MGAT5: variants seen among roughly 807,000 people sequenced by gnomAD.
MGAT5 encodes the protein alpha-1,6-mannosylglycoprotein 6-beta-N-acetylglucosaminyltransferase A.
A neutral mutation model predicts 94.3 loss-of-function variants in MGAT5; 30 were observed. The observed-to-expected ratio is 0.32, with a 90% CI of 0.24 to 0.43. MGAT5 has a LOEUF of 0.43. MGAT5 is among the 20% of genes least tolerant of loss of function. The probability of loss-of-function intolerance (pLI) is 1.00; values close to 1 mark genes in which losing one functional copy is unlikely to be tolerated. For synonymous variants in MGAT5, 310 were observed against 322.9 expected, an observed-to-expected ratio of 0.96 and a Z score of 0.43; for missense variants, 691 against 905.5, an observed-to-expected ratio of 0.76 and a Z score of 3.04.
In MGAT5 at chr2:134,362,411, G is replaced by A. The variant is rs756206183; in HGVS notation, c.1380+3G>A. ...GCAAAGTGGATAGCTTCTGGAAGGT[G>A]AGTCAGTCTGTGCGTGTCTCTCTCT... On this transcript the variant is annotated splice_donor_region_variant and intron_variant, in intron 10 of 15. Coordinates refer to ENST00000281923, the MANE Select transcript of MGAT5 (RefSeq NM_002410.5). 7 of 1,613,880 alleles carry A rather than the reference G, an allele frequency of 4.3e-6. No homozygotes were observed. Among genetic ancestry groups the A allele is most frequent in the Non-Finnish European group, 5.9e-6 (7 of 1,179,870 alleles).
intron 2 of MGAT5, among the ~76,000 whole-genome samples, chr2:134,288,729 G>A (rs1214493682): frequency 6.6e-6 from 1 of 152,108 alleles, no homozygotes; most frequent in Non-Finnish European, 1.5e-5. Flanking sequence ...TAATACCTCT[G>A]TCAGCCTATC....
intron 9 of MGAT5, among the ~76,000 whole-genome samples, chr2:134,351,342 T>A (rs1679368561): frequency 6.6e-6 from 1 of 152,164 alleles, no homozygotes; most frequent in South Asian, 2.1e-4. Context: ...TGGCACAGAA[T>A]AGCCTAAGAA....
intron 1 of MGAT5, among the ~76,000 whole-genome samples, chr2:134,237,121 A>ATGTGTGTGTG (rs1283215466): frequency 4.9e-5 from 6 of 122,708 alleles, no homozygotes; most frequent in African/African-American, 1.5e-4. Flanking sequence ...TAGAAGGAGT[A>ATGTGTGTGTG]TATGTGTGTG....
At chr2:134,353,903 A>G (rs1480072930) in intron 9 of MGAT5, among the ~76,000 whole-genome samples, 1 of 152,160 alleles carries the variant, frequency 6.6e-6, no homozygotes, top group Non-Finnish European at 1.5e-5. Flanking sequence ...AAAAAAAAAA[A>G]ATAGTTCCTA....
At position 134,182,788 on chromosome 2, in the gene MGAT5, T is replaced by TG. The variant is rs1173381912; in HGVS notation, c.-143+62497_-143+62498insG. Reference sequence around the variant, plus strand: ...TGCATGTTAGAAGATTAGTTTTTTTTTTTTTTTTTTTTTTTTGAGACAGAG... The same window carrying TG: ...TGCATGTTAGAAGATTAGTTTTTTTTGTTTTTTTTTTTTTTTTGAGACAGAG... On this transcript the variant is annotated intron_variant, in intron 1 of 16. Coordinates refer to the MGAT5 transcript ENST00000409645. Among the ~76,000 whole-genome samples, 434 of 142,476 alleles carry TG rather than the reference T, an allele frequency of 3.0e-3. 5 individuals carry two copies. Among genetic ancestry groups the TG allele is most frequent in the African/African-American group, 0.011 (401 of 37,286 alleles). 93.5% of individuals were successfully genotyped at this position (142,476 alleles called of 152,430 possible).
chr2:134,453,657 A>C lies in MGAT5; in HGVS notation c.*4810A>C, dbSNP rs1279453274. The C allele has an allele frequency of 6.6e-6, 1 of 152,124 alleles. No homozygotes were observed. The allele number at this position is 152,124 out of a possible 1,614,324, so 9.4% of individuals were successfully genotyped here. On this transcript the variant is annotated 3_prime_UTR_variant, in exon 16 of 16. Transcript: ENST00000281923. ...TCCTGTCCTCAGGGATCAGACTCCC[A>C]GACTGGTTAGTTCTGCATGTTTCCA...
chr2:134,283,438 T>C (rs1684820593), intron 2 of MGAT5, among the ~76,000 whole-genome samples: 2 of 152,126 alleles, frequency 1.3e-5, no homozygotes. Flanking sequence ...AAAATTATGT[T>C]AGAGGCACCA....
intron 10 of MGAT5, among the ~76,000 whole-genome samples, chr2:134,384,056 G>A (rs1228036722): frequency 2.0e-5 from 3 of 152,068 alleles, no homozygotes; most frequent in African/African-American, 7.2e-5. Flanking sequence ...AAAATTTTAT[G>A]TAATTCACAT....
At chr2:134,254,679 G>A (rs752052217) in intron 1 of MGAT5, 35 bp downstream of exon 1, 2 of 1,610,994 alleles carry the variant, frequency 1.2e-6, no homozygotes, top group Non-Finnish European at 1.7e-6. Flanking sequence ...CCATTAAAGT[G>A]TGCCTTGGCC....
At chr2:134,330,554 AGTGTGT>A (rs34688054) in intron 4 of MGAT5, among the ~76,000 whole-genome samples, 69 of 148,594 alleles carry the variant, frequency 4.6e-4, no homozygotes, top group African/African-American at 1.6e-3. Flanking sequence ...TAAATTGTGT[AGTGTGT>A]GTGTGTGTGT....
intron 2 of MGAT5, among the ~76,000 whole-genome samples, chr2:134,317,123 G>C (rs1687041386): frequency 1.3e-5 from 2 of 152,170 alleles, no homozygotes; most frequent in African/African-American, 2.4e-5. Flanking sequence ...CACGAGGTCT[G>C]TTCATGGCCC....
At chr2:134,443,700 G>A (rs777624464) in intron 15 of MGAT5, among the ~76,000 whole-genome samples, 24 of 152,278 alleles carry the variant, frequency 1.6e-4, no homozygotes, top group South Asian at 4.1e-4. Flanking sequence ...GTTCCACAGC[G>A]CAAATCTTGA....
intron 13 of MGAT5, among the ~76,000 whole-genome samples, chr2:134,423,709 C>G (rs1406655215): frequency 6.6e-6 from 1 of 152,134 alleles, no homozygotes; most frequent in Non-Finnish European, 1.5e-5. Flanking sequence ...TCTAGCTCTA[C>G]CACTTACTAG....
chr2:134,435,411 C>G (rs1685116492), intron 14 of MGAT5, among the ~76,000 whole-genome samples: 1 of 152,248 alleles, frequency 6.6e-6, no homozygotes, highest in South Asian at 2.1e-4. Flanking sequence ...TTCCCAGCTG[C>G]CACCATTTCA....
intron 13 of MGAT5, among the ~76,000 whole-genome samples, chr2:134,423,352 G>T (rs3791310): frequency 6.6e-6 from 1 of 152,146 alleles, no homozygotes; most frequent in South Asian, 2.1e-4. Flanking sequence ...GTAGAATTTT[G>T]TAAAAGTAAC....
At chr2:134,146,893 G>C (rs1250239639) in intron 1 of MGAT5, among the ~76,000 whole-genome samples, 1 of 152,202 alleles carries the variant, frequency 6.6e-6, no homozygotes, top group Admixed American at 6.5e-5. Context: ...AGTCACTCTG[G>C]AGTCATTAGA....
chr2:134,378,279 TTG>T (rs1573961064), intron 10 of MGAT5, among the ~76,000 whole-genome samples: 1 of 152,104 alleles, frequency 6.6e-6, no homozygotes, highest in East Asian at 1.9e-4. Context: ...GGAGACCGTA[TTG>T]GGGAGCAGAA....
chr2:134,295,622 A>G (rs2105795508), intron 2 of MGAT5, among the ~76,000 whole-genome samples: 1 of 152,292 alleles, frequency 6.6e-6, no homozygotes, highest in Admixed American at 6.5e-5. Flanking sequence ...AACAGCCAGT[A>G]GTGGCTGGCT....
chr2:134,251,094 A>G (rs1432788535), upstream of MGAT5, among the ~76,000 whole-genome samples: 1 of 152,184 alleles, frequency 6.6e-6, no homozygotes. Context: ...TAAAATAGTG[A>G]AAGAAAAATC....
Sources: gnomAD v4.1 joint callset for allele counts (sites outside exome capture counted in the v4.1 genomes callset) on GRCh38, gnomAD v4.1.1 for gene constraint, MANE v1.5 for transcripts, NCBI Gene and HGNC (gene_info 2026-07-23, HGNC 2026-07-21) for gene names.